Variants in PAPPA2 observed in about 807,000 individuals in gnomAD.
PAPPA2 encodes the protein pappalysin 2, also known as pappalysin-2.
In PAPPA2, 86 loss-of-function variants were observed where a neutral mutation model predicts 176.4. The ratio of observed to expected loss-of-function variants is 0.49; its 90% CI spans 0.41 to 0.58. The LOEUF (loss-of-function observed/expected upper bound fraction) is 0.58. Ranked by LOEUF, PAPPA2 falls within the 20% of genes least tolerant of loss-of-function variation. The probability of loss-of-function intolerance (pLI) is 0.00; values close to 1 mark genes in which losing one functional copy is unlikely to be tolerated. For synonymous variants in PAPPA2, 809 were observed against 852.2 expected (o/e 0.95, Z 0.88); for missense variants, 2,073 against 2,256.9 (o/e 0.92, Z 1.65).
At chr1:176,474,431 G>A (rs915676702) in intron 1 of PAPPA2, among the ~76,000 whole-genome samples, 1 of 152,172 alleles carries the variant, frequency 6.6e-6, no homozygotes, top group Admixed American at 6.5e-5. Context: ...GCTGCCTAAC[G>A]GCAAGAGGGC....
intron 15 of PAPPA2, among the ~76,000 whole-genome samples, chr1:176,768,146 G>A (rs1173878243): frequency 6.6e-6 from 1 of 152,058 alleles, no homozygotes; most frequent in East Asian, 1.9e-4. Context: ...TAGAATGTTG[G>A]CTGCACGTTT....
chr1:176,479,292 T>C (rs945772596), intron 1 of PAPPA2, among the ~76,000 whole-genome samples: 1 of 151,958 alleles, frequency 6.6e-6, no homozygotes, highest in African/African-American at 2.4e-5. Context: ...ATCTAACTGG[T>C]TTTTGGCTTG....
intron 2 of PAPPA2, among the ~76,000 whole-genome samples, chr1:176,570,935 C>G (rs1652289219): frequency 6.6e-6 from 1 of 152,142 alleles, no homozygotes; most frequent in Admixed American, 6.5e-5. Context: ...TACACTGCTG[C>G]TGTCCTCTCT....
Position 176,478,611 on chromosome 1 carries a change from A to T in PAPPA2, c.-917+15193A>T, listed in dbSNP as rs111660795. ...ATGTTCAAACAGTGGACTCATTTTT[A>T]TCTCAGTTGGGTTTGAGAATGTGTC... On this transcript the variant is annotated intron_variant, in intron 1 of 22. Coordinates refer to ENST00000367662, the MANE Select transcript of PAPPA2 (RefSeq NM_020318.3). 9.1e-3 allele frequency among the ~76,000 whole-genome samples: 1,379 copies of T among 152,368 alleles called. 10 individuals are homozygous for T. Among genetic ancestry groups the T allele is most frequent in the Non-Finnish European group, 0.015 (1,034 of 68,036 alleles).
At chr1:176,771,273 A>G in intron 17 of PAPPA2, 93 bp downstream of exon 17, 1 of 1,323,030 alleles carries the variant, frequency 7.6e-7, no homozygotes, top group Non-Finnish European at 1.1e-6. Flanking sequence ...CTGCAGGGCT[A>G]TATTCTCCAG....
chr1:176,532,360 C>T (rs888037623), intron 1 of PAPPA2, among the ~76,000 whole-genome samples: 2 of 152,180 alleles, frequency 1.3e-5, no homozygotes, highest in South Asian at 2.1e-4. Context: ...AAGCCAAGCA[C>T]GTCCCTGCAG....
rs536087689 is a variant in PAPPA2, at chr1:176,835,117, C to T, written c.5203-5056C>T. On this transcript the variant is annotated intron_variant, in intron 21 of 22. Coordinates refer to ENST00000367662, the MANE Select transcript of PAPPA2 (RefSeq NM_020318.3). ...AAAGGTGCCAAAAGAACTTAAGTTA[C>T]CCTTCTTTCTCAGTAAATTAAAAGA... 1.8e-4 allele frequency among the ~76,000 whole-genome samples: 28 copies of T among 152,148 alleles called. 1 individual carries two copies. The highest frequency in any genetic ancestry group is 3.3e-4 in the Admixed American group (5 of 15,276).
At chr1:176,674,288 G>T (rs1659166962) in intron 4 of PAPPA2, among the ~76,000 whole-genome samples, 1 of 151,894 alleles carries the variant, frequency 6.6e-6, no homozygotes, top group Non-Finnish European at 1.5e-5. Flanking sequence ...ATAGTTTTTT[G>T]GGGAACAGGT....
chr1:176,723,781 G>T (rs1023925700), intron 12 of PAPPA2, among the ~76,000 whole-genome samples: 11 of 152,024 alleles, frequency 7.2e-5, no homozygotes, highest in Non-Finnish European at 1.5e-4. Context: ...TAGAGCAAAA[G>T]TGTAAGAATT....
chr1:176,771,111 GCA>G lies in PAPPA2; in HGVS notation c.4648_4649del (p.Thr1550HisfsTer5). 1 of 1,614,162 alleles carries G rather than the reference GCA, an allele frequency of 6.2e-7. No homozygotes were observed. The highest frequency in any genetic ancestry group is 1.1e-5 in the South Asian group (1 of 91,080). ...TGCCTCCAGGACAACCACGACGTGG[GCA>G]CCATCTGCAAATATGAATGCAAACC... is the stretch of plus-strand genomic sequence containing the variant. On this transcript the variant is annotated frameshift_variant, in exon 17 of 23. Transcript: ENST00000367662. LOFTEE classifies it high-confidence loss of function.
chr1:176,594,707 C>T lies in PAPPA2; in HGVS notation c.1103C>T (p.Ala368Val), dbSNP rs1653861335. ...CAACCAGGCACATGGACCCATGTGG[C>T]AGCCACTTACGATGGACGGCACATG... is the stretch of plus-strand genomic sequence containing the variant. ...RYQPGTWTHVAATYDGRHMAL... is the reference protein window; with the variant it reads ...RYQPGTWTHVVATYDGRHMAL... The change falls in exon 3 of 23, where the codon GCA becomes GTA. Residue 368 changes from alanine (A) to valine (V), a missense_variant. Ala to Val is a moderately conservative substitution (Grantham distance 64, BLOSUM62 0). Coordinates refer to ENST00000367662, the MANE Select transcript of PAPPA2 (RefSeq NM_020318.3). The T allele has an allele frequency of 6.2e-7, 1 of 1,614,126 alleles. No homozygotes were observed. The highest frequency in any genetic ancestry group is 8.5e-7 in the Non-Finnish European group (1 of 1,180,052).
At chr1:176,749,732 G>A (rs1402133596) in intron 14 of PAPPA2, among the ~76,000 whole-genome samples, 1 of 152,216 alleles carries the variant, frequency 6.6e-6, no homozygotes, top group Non-Finnish European at 1.5e-5. Context: ...ACAGTGTGTA[G>A]GGTTTGCAGA....
intron 3 of PAPPA2, among the ~76,000 whole-genome samples, chr1:176,604,906 A>C (rs1654528404): frequency 6.6e-6 from 1 of 152,112 alleles, no homozygotes. Flanking sequence ...CTATGTATGG[A>C]AAAAGAAGGG....
intron 12 of PAPPA2, among the ~76,000 whole-genome samples, chr1:176,735,721 TATCTATCTATCTATCTATC>T (rs1278219389): frequency 1.4e-5 from 2 of 144,144 alleles, no homozygotes; most frequent in African/African-American, 5.0e-5. Flanking sequence ...TCTATCTATC[TATCTATCTATCTATCTATC>T]ATCTATCTGT....
chr1:176,825,887 C>T (rs972475611), intron 21 of PAPPA2, among the ~76,000 whole-genome samples: 7 of 152,068 alleles, frequency 4.6e-5, no homozygotes, highest in African/African-American at 1.7e-4. Flanking sequence ...ACCATTGATA[C>T]GAAGAGTATC....
chr1:176,712,173 A>T (rs1661178731), intron 12 of PAPPA2, among the ~76,000 whole-genome samples, 192 bp downstream of exon 12: 1 of 152,102 alleles, frequency 6.6e-6, no homozygotes, highest in African/African-American at 2.4e-5. Flanking sequence ...TTAATACATG[A>T]GTAATCAGTT....
At chr1:176,536,191 G>T (rs1379315539) in intron 1 of PAPPA2, among the ~76,000 whole-genome samples, 9 of 152,172 alleles carry the variant, frequency 5.9e-5, no homozygotes, top group Admixed American at 5.9e-4. Flanking sequence ...TCACTTACTT[G>T]CTTTGTCTAA....
intron 1 of PAPPA2, among the ~76,000 whole-genome samples, chr1:176,492,800 A>G (rs1423897910): frequency 1.3e-5 from 2 of 152,224 alleles, no homozygotes; most frequent in Admixed American, 6.5e-5. Context: ...TTTTATTTGC[A>G]TAATCTAATT....
intron 1 of PAPPA2, among the ~76,000 whole-genome samples, chr1:176,539,546 G>A (rs1338760929): frequency 6.6e-6 from 1 of 152,218 alleles, no homozygotes; most frequent in East Asian, 1.9e-4. Context: ...TCACAGTCTG[G>A]GGTGGAGGGA....
Sources: gnomAD v4.1 joint callset for allele counts (sites outside exome capture counted in the v4.1 genomes callset) on GRCh38, gnomAD v4.1.1 for gene constraint, MANE v1.5 for transcripts, NCBI Gene and HGNC (gene_info 2026-07-23, HGNC 2026-07-21) for gene names.